The following CD55 variants were observed in gnomAD, a reference collection of about 807,000 sequenced individuals.
CD55 encodes the protein complement decay-accelerating factor.
Under a neutral mutation model 45.8 loss-of-function variants are expected in CD55, and 41 were observed. That is an observed-to-expected ratio of 0.90 (90% CI 0.70 to 1.16). CD55 has a LOEUF of 1.16. Ranked by LOEUF, CD55 falls within the 50% of genes most tolerant of loss-of-function variation. CD55 has a pLI of 0.00. For synonymous variants in CD55, 181 were observed against 181.1 expected, an observed-to-expected ratio of 1.00 and a Z score of 0.01; for missense variants, 416 against 469.8, an observed-to-expected ratio of 0.89 and a Z score of 1.06.
intron 9 of CD55, among the ~76,000 whole-genome samples, chr1:207,346,066 A>G (rs1234771833): frequency 1.3e-5 from 2 of 152,264 alleles, no homozygotes; most frequent in Non-Finnish European, 2.9e-5. Flanking sequence ...CTTGGGTGCC[A>G]GAAATGGCGG....
chr1:207,322,074 G>GTTA (rs1654436877), intron 1 of CD55, among the ~76,000 whole-genome samples: 1 of 152,224 alleles, frequency 6.6e-6, no homozygotes, highest in Non-Finnish European at 1.5e-5. Flanking sequence ...TTGGCTTTAG[G>GTTA]GGTCGGCGTG....
intron 6 of CD55, among the ~76,000 whole-genome samples, chr1:207,335,907 C>G (rs1238093022): frequency 6.6e-6 from 1 of 152,086 alleles, no homozygotes. Context: ...TGCTTTTATC[C>G]TCATTTTACA....
chr1:207,347,387 G>A, intron 9 of CD55: 1 of 360,834 alleles, frequency 2.8e-6, no homozygotes, highest in Non-Finnish European at 5.4e-6. Flanking sequence ...AGCCTCCCAA[G>A]TAGCTGGGAC....
chr1:207,337,436 G>C (rs777960001), intron 8 of CD55, 27 bp downstream of exon 8: 2 of 1,224,696 alleles, frequency 1.6e-6, no homozygotes, highest in Admixed American at 3.4e-5. Context: ...CAGGTTTACT[G>C]AGTATGGATC....
intron 6 of CD55, among the ~76,000 whole-genome samples, chr1:207,335,000 TC>T (rs1202942181): frequency 6.6e-6 from 1 of 152,138 alleles, no homozygotes; most frequent in Non-Finnish European, 1.5e-5. Flanking sequence ...TATTAACCCT[TC>T]AAAATAAGCT....
Position 207,343,796 on chromosome 1 carries a change from A to G in CD55, c.1081+4379A>G, listed in dbSNP as rs78052821. Among the ~76,000 whole-genome samples the G allele has an allele frequency of 4.9e-4, 75 of 152,318 alleles. 4 individuals carry two copies. In the East Asian group the frequency reaches 0.014, roughly 29 times the overall value. ...CTTAACAATTATTGTATTGGAGTCTATCCCTTTAGATTGGACAATATTTGC... is the reference window on the plus strand; with the variant it reads ...CTTAACAATTATTGTATTGGAGTCTGTCCCTTTAGATTGGACAATATTTGC... On this transcript the variant is annotated intron_variant, in intron 9 of 9. Coordinates refer to ENST00000367064, the MANE Select transcript of CD55 (RefSeq NM_000574.5).
chr1:207,326,859 C>T, intron 5 of CD55, 22 bp downstream of exon 5: 2 of 1,530,384 alleles, frequency 1.3e-6, no homozygotes, highest in South Asian at 2.2e-5. Context: ...AAAATCTAAG[C>T]ACTCAGATTG....
At chr1:207,325,868 C>T (rs995185018) in intron 4 of CD55, 147 bp downstream of exon 4, 1 of 424,650 alleles carries the variant, frequency 2.4e-6, no homozygotes. Context: ...ATCATGAGCT[C>T]ATCACAGTTA....
chr1:207,351,344 G>T (rs1572900268), intron 9 of CD55, among the ~76,000 whole-genome samples: 1 of 152,268 alleles, frequency 6.6e-6, no homozygotes, highest in East Asian at 1.9e-4. Flanking sequence ...ATGTTATGTA[G>T]ATGTCTGTTA....
intron 6 of CD55, among the ~76,000 whole-genome samples, chr1:207,333,565 T>C (rs540267862): frequency 6.6e-6 from 1 of 152,212 alleles, no homozygotes; most frequent in Non-Finnish European, 1.5e-5. Context: ...AGCAAGAAAA[T>C]GTGACCAAAT....
chr1:207,347,344 C>G (rs1295006796), intron 9 of CD55: 10 of 388,056 alleles, frequency 2.6e-5, no homozygotes, highest in Non-Finnish European at 4.1e-5. Context: ...ACTGCAAGCT[C>G]TGCCTCCCGG....
intron 6 of CD55, among the ~76,000 whole-genome samples, chr1:207,332,263 C>A (rs535314466): frequency 1.3e-5 from 2 of 152,156 alleles, no homozygotes; most frequent in Non-Finnish European, 1.5e-5. Context: ...AACCAGTCCT[C>A]TATTGATGAC....
chr1:207,335,211 T>C (rs1427553194), intron 6 of CD55, among the ~76,000 whole-genome samples: 1 of 152,092 alleles, frequency 6.6e-6, no homozygotes, highest in Non-Finnish European at 1.5e-5. Context: ...CCTATCTCAA[T>C]AGCTAATAGG....
chr1:207,353,836 G>A (rs1558159060), intron 9 of CD55, among the ~76,000 whole-genome samples: 1 of 152,238 alleles, frequency 6.6e-6, no homozygotes, highest in East Asian at 1.9e-4. Flanking sequence ...AAATTTAAGG[G>A]TTACTCAAGC....
intron 6 of CD55, 134 bp downstream of exon 6, chr1:207,331,430 G>A: frequency 1.4e-6 from 1 of 701,434 alleles, no homozygotes; most frequent in Non-Finnish European, 2.4e-6. Flanking sequence ...TTTTCTGTGG[G>A]ACACAATTTT....
At chr1:207,334,398 C>G (rs1458331677) in intron 6 of CD55, among the ~76,000 whole-genome samples, 1 of 151,900 alleles carries the variant, frequency 6.6e-6, no homozygotes, top group Non-Finnish European at 1.5e-5. Flanking sequence ...GGAAATTCTT[C>G]AAGTAGAATG....
At chr1:207,328,518 A>G (rs1183924623) in intron 5 of CD55, among the ~76,000 whole-genome samples, 1 of 152,258 alleles carries the variant, frequency 6.6e-6, no homozygotes, top group African/African-American at 2.4e-5. Flanking sequence ...CAGTGGACAC[A>G]TTCACTAATT....
intron 8 of CD55, chr1:207,337,711 A>T (rs1365193856): frequency 4.1e-6 from 1 of 246,350 alleles, no homozygotes; most frequent in Non-Finnish European, 7.8e-6. Flanking sequence ...TCAACGAATT[A>T]TTCAAGACCC....
At chr1:207,329,168 G>A (rs1250488295) in intron 5 of CD55, among the ~76,000 whole-genome samples, 2 of 152,202 alleles carry the variant, frequency 1.3e-5, no homozygotes, top group African/African-American at 2.4e-5. Context: ...CTAGTTCCTG[G>A]AGCATGTTCT....
Sources: allele counts gnomAD v4.1 joint callset (sites outside exome capture counted in the v4.1 genomes callset), GRCh38; gene constraint gnomAD v4.1.1; transcripts MANE v1.5; gene names NCBI Gene and HGNC (gene_info 2026-07-23, HGNC 2026-07-21).